Variants in KREMEN1 observed in about 807,000 individuals in gnomAD.
KREMEN1 encodes the protein kremen protein 1.
KREMEN1 carries 30 observed loss-of-function variants against 46.5 expected under a neutral mutation model. The observed-to-expected ratio is 0.65, with a 90% confidence interval of 0.48 to 0.88. KREMEN1 has a LOEUF of 0.88. Ranked by LOEUF, KREMEN1 falls within the 40% of genes least tolerant of loss-of-function variation. The pLI is 0.00. For missense variants in KREMEN1, 533 were observed against 596.9 expected (o/e 0.89, Z 1.11); for synonymous variants, 214 against 230.6 (o/e 0.93, Z 0.65).
intron 9 of KREMEN1, among the ~76,000 whole-genome samples, chr22:29,163,470 C>G (rs62236945): frequency 6.6e-6 from 1 of 152,058 alleles, no homozygotes; most frequent in South Asian, 2.1e-4. Context: ...ATCCGCCTCC[C>G]GGGTTCAAAC....
chr22:29,094,018 T>C (rs1286446487), intron 1 of KREMEN1, among the ~76,000 whole-genome samples: 2 of 152,190 alleles, frequency 1.3e-5, no homozygotes, highest in East Asian at 3.9e-4. Context: ...ATCTGTATAC[T>C]TTAGGGGAAA....
At position 29,142,218 on chromosome 22, in the gene KREMEN1, C is replaced by G. The variant is rs2038775460; in HGVS notation, c.*106C>G. The G allele has an allele frequency of 7.1e-7, 1 of 1,409,050 alleles. No homozygotes were observed. Among genetic ancestry groups the G allele is most frequent in the African/African-American group, 1.5e-5 (1 of 68,164 alleles). The allele number at this position is 1,409,050 out of a possible 1,614,324, so 87.3% of individuals were successfully genotyped here. ...GACAGACTCTTCCCCTCCTCTCCCTCTGCCTCGGCCTCTTCGGGGAAACCC... is the reference window on the plus strand; with the variant it reads ...GACAGACTCTTCCCCTCCTCTCCCTGTGCCTCGGCCTCTTCGGGGAAACCC... On this transcript the variant is annotated 3_prime_UTR_variant, in exon 9 of 9. Transcript: ENST00000400335.
intron 5 of KREMEN1, among the ~76,000 whole-genome samples, chr22:29,132,784 G>T (rs1174805265): frequency 6.6e-6 from 1 of 152,032 alleles, no homozygotes; most frequent in South Asian, 2.1e-4. Context: ...GCATTTTTTT[G>T]AGTAATTTTT....
intron 1 of KREMEN1, among the ~76,000 whole-genome samples, chr22:29,082,843 G>T (rs134621): frequency 0.64 from 97,312 of 152,106 alleles, 31,335 homozygotes; most frequent in Middle Eastern, 0.78. Context: ...TTTTGTTTTT[G>T]TGTTTTCTTT....
intron 2 of KREMEN1, among the ~76,000 whole-genome samples, chr22:29,097,278 A>G (rs2037896725): frequency 1.3e-5 from 2 of 152,272 alleles, no homozygotes; most frequent in Admixed American, 6.5e-5. Context: ...CTGTGTGTCC[A>G]GTAGCCCCTG....
rs574423272 is a variant in KREMEN1 at position 29,161,317 on chromosome 22, C to T, written c.1417-5727C>T. ...GGTCAGGAGATCGAGACCATCCTGG[C>T]TAACATGATGAAACCCCGTCTGTAC... On this transcript the variant is annotated intron_variant, in intron 9 of 9. Transcript: ENST00000327813. Among the ~76,000 whole-genome samples, 17 of 151,600 alleles carry T rather than the reference C, an allele frequency of 1.1e-4. No individual in the cohort carries two copies. The South Asian group carries it at 2.9e-3, about 26-fold the overall frequency.
rs144968556 is a variant in KREMEN1 at position 29,077,443 on chromosome 22, G to A, written c.97+4216G>A. Reference sequence around the variant, plus strand: ...CGGCTCACTGCAACCTCCGCTTCCCGGGTTCTAGCAGTTCTCCTGCCTCAG... The same window carrying A: ...CGGCTCACTGCAACCTCCGCTTCCCAGGTTCTAGCAGTTCTCCTGCCTCAG... On this transcript the variant is annotated intron_variant, in intron 1 of 8. Coordinates refer to ENST00000400335, the MANE Select transcript of KREMEN1 (RefSeq NM_001039570.3). 4.7e-4 allele frequency among the ~76,000 whole-genome samples: 72 copies of A among 152,254 alleles called. No homozygotes were observed. The East Asian group carries it at 0.012, about 26-fold the overall frequency.
At chr22:29,095,347 A>T (rs907746351) in intron 2 of KREMEN1, among the ~76,000 whole-genome samples, 2 of 152,228 alleles carry the variant, frequency 1.3e-5, no homozygotes, top group East Asian at 3.8e-4. Flanking sequence ...GGGATGATCC[A>T]TAGCTTTGAT....
At chr22:29,134,606 T>C (rs556987572) in intron 5 of KREMEN1, among the ~76,000 whole-genome samples, 35 of 152,320 alleles carry the variant, frequency 2.3e-4, no homozygotes, top group Non-Finnish European at 3.2e-4. Context: ...TAATTTTTTA[T>C]TGAATGCCAT....
At chr22:29,123,476 T>C (rs2038391453) in intron 4 of KREMEN1, among the ~76,000 whole-genome samples, 1 of 151,930 alleles carries the variant, frequency 6.6e-6, no homozygotes, top group South Asian at 2.1e-4. Context: ...AAAGAAGATA[T>C]ACAGATGACA....
chr22:29,073,461 G>C lies in KREMEN1; in HGVS notation c.97+234G>C, dbSNP rs921944750. On this transcript the variant is annotated intron_variant, in intron 1 of 8. Coordinates refer to ENST00000400335, the MANE Select transcript of KREMEN1 (RefSeq NM_001039570.3). The surrounding 1 kb of genome is among the most constrained non-coding windows in gnomAD (Gnocchi z 4.4). Reference sequence around the variant, plus strand: ...GTACTGTCCCCCGGCTGCAGGACCCGGTGCTCCTCAGCGACGCCCCTCAGC... The same window carrying C: ...GTACTGTCCCCCGGCTGCAGGACCCCGTGCTCCTCAGCGACGCCCCTCAGC... Among the ~76,000 whole-genome samples, 1 of 151,656 alleles carries C rather than the reference G, an allele frequency of 6.6e-6. No homozygotes were observed. The highest frequency in any genetic ancestry group is 1.5e-5 in the Non-Finnish European group (1 of 67,832).
intron 4 of KREMEN1, chr22:29,125,051 G>T (rs2038418578): frequency 3.6e-6 from 2 of 552,258 alleles, no homozygotes. Flanking sequence ...AAAAAGTGAT[G>T]CTCGCCGACA....
chr22:29,100,948 C>A (rs1319568361), intron 3 of KREMEN1, among the ~76,000 whole-genome samples: 1 of 151,940 alleles, frequency 6.6e-6, no homozygotes, highest in Non-Finnish European at 1.5e-5. Context: ...ATAGAAAAAA[C>A]CTTATAGAAG....
At position 29,145,978 on chromosome 22, in the gene KREMEN1, T is replaced by C. The variant is rs2038852650; in HGVS notation, c.*3866T>C. On this transcript the variant is annotated 3_prime_UTR_variant, in exon 9 of 9. Transcript: ENST00000400335. ...ATCTGCCTGCAGCCCAGCCAGGCCA[T>C]CACCCAGCCCCGATGCATCCTGGCA... The C allele has an allele frequency of 3.0e-6, 3 of 985,714 alleles. No homozygotes were observed. The highest frequency in any genetic ancestry group is 3.6e-6 in the Non-Finnish European group (3 of 830,050). The allele number at this position is 985,714 out of a possible 1,614,324, so 61.1% of individuals were successfully genotyped here. A position where few individuals can be genotyped will look rare whatever the true frequency, so the allele number is the denominator to read the frequency against.
At chr22:29,116,308 G>A (rs913142856) in intron 3 of KREMEN1, among the ~76,000 whole-genome samples, 7 of 152,198 alleles carry the variant, frequency 4.6e-5, no homozygotes, top group African/African-American at 7.2e-5. Flanking sequence ...AAGTGGCAGC[G>A]TGGACAGAGA....
intron 5 of KREMEN1, among the ~76,000 whole-genome samples, chr22:29,128,346 A>G (rs1367374552): frequency 6.6e-6 from 1 of 152,220 alleles, no homozygotes; most frequent in Non-Finnish European, 1.5e-5. Context: ...ATTATAAGTC[A>G]AGGAACATCT....
At chr22:29,078,521 C>A (rs1392562901) in intron 1 of KREMEN1, among the ~76,000 whole-genome samples, 1 of 151,632 alleles carries the variant, frequency 6.6e-6, no homozygotes, top group Non-Finnish European at 1.5e-5. Context: ...AAACAAACTT[C>A]TATGACTTTC....
At chr22:29,112,029 A>G (rs2038161618) in intron 3 of KREMEN1, among the ~76,000 whole-genome samples, 1 of 152,208 alleles carries the variant, frequency 6.6e-6, no homozygotes, top group South Asian at 2.1e-4. Context: ...GAAACTAGAA[A>G]GAAAGCAGGG....
intron 9 of KREMEN1, among the ~76,000 whole-genome samples, chr22:29,155,959 CA>C (rs11320591): frequency 0.33 from 48,372 of 147,814 alleles, 10,142 homozygotes; most frequent in African/African-American, 0.62. Flanking sequence ...AACTCCATCT[CA>C]AAAAAAAAAA....
Sources: gnomAD v4.1 joint callset for allele counts (sites outside exome capture counted in the v4.1 genomes callset) on GRCh38, gnomAD v4.1.1 for gene constraint, Gnocchi (gnomAD v3.1) non-coding constraint, MANE v1.5 for transcripts, NCBI Gene and HGNC (gene_info 2026-07-23, HGNC 2026-07-21) for gene names.